The following EEF1AKMT1 variants were observed in gnomAD, a reference collection of about 807,000 sequenced individuals.
The protein encoded by EEF1AKMT1 is N-6 adenine-specific DNA methyltransferase 2 (putative).
A neutral mutation model predicts 21.0 loss-of-function variants in EEF1AKMT1; 18 were observed. The observed-to-expected ratio is 0.86, with a 90% CI of 0.59 to 1.27. The LOEUF (loss-of-function observed/expected upper bound fraction) is 1.27, where lower values mean the gene tolerates loss of function less well. Among genes scored for constraint, EEF1AKMT1 ranks in the 50% most tolerant of loss-of-function variants. The pLI is 0.00. For synonymous variants in EEF1AKMT1, 109 were observed against 94.8 expected (o/e 1.15, Z -0.87); for missense variants, 246 against 258.6 (o/e 0.95, Z 0.33).
chr13:20,773,888 A>C (rs1445060476), intron 1 of EEF1AKMT1, 33 bp downstream of exon 1: 1 of 152,622 alleles, frequency 6.6e-6, no homozygotes, highest in East Asian at 1.9e-4. Context: ...GCGCGCAGCC[A>C]ACCCTACAGC....
At chr13:20,744,713 T>C (rs556491333) in intron 2 of EEF1AKMT1, among the ~76,000 whole-genome samples, 1 of 152,356 alleles carries the variant, frequency 6.6e-6, no homozygotes, top group South Asian at 2.1e-4. Context: ...CAATTTTGGC[T>C]TTTGTTGCCA....
At chr13:20,773,544 G>A (rs552814128) in intron 1 of EEF1AKMT1, among the ~76,000 whole-genome samples, 58 of 152,350 alleles carry the variant, frequency 3.8e-4, no homozygotes, top group African/African-American at 1.4e-3. Flanking sequence ...AGATGAAAAG[G>A]ACAGCAGGCC....
chr13:20,737,318 C>T (rs188074428), intron 3 of EEF1AKMT1, among the ~76,000 whole-genome samples: 10 of 152,126 alleles, frequency 6.6e-5, no homozygotes, highest in African/African-American at 1.9e-4. Context: ...TAGCCAAGAT[C>T]GCACCACTCT....
intron 1 of EEF1AKMT1, among the ~76,000 whole-genome samples, chr13:20,762,182 TTTTTTTTTTTTTTAA>T (rs1306628913): frequency 2.0e-5 from 3 of 151,280 alleles, no homozygotes; most frequent in Admixed American, 2.0e-4. Context: ...AGTCTTTTTT[TTTTTTTTTTTTTTAA>T]TTTGAGGCAG....
intron 2 of EEF1AKMT1, among the ~76,000 whole-genome samples, chr13:20,741,439 T>G (rs192141986): frequency 9.3e-4 from 140 of 150,948 alleles, no homozygotes; most frequent in Non-Finnish European, 1.4e-3. Context: ...GTTTGTTGTT[T>G]TTTAACATTG....
chr13:20,762,862 G>C (rs919556571), intron 1 of EEF1AKMT1, among the ~76,000 whole-genome samples: 12 of 152,084 alleles, frequency 7.9e-5, no homozygotes, highest in African/African-American at 2.9e-4. Context: ...TTAGTAGTTT[G>C]CCAAGTTTCA....
At chr13:20,765,415 T>TTTTG (rs1398143296) in intron 1 of EEF1AKMT1, among the ~76,000 whole-genome samples, 2 of 127,622 alleles carry the variant, frequency 1.6e-5, no homozygotes, top group Admixed American at 1.6e-4. Flanking sequence ...GTTTTTTTTT[T>TTTTG]TTTTTTTTTT....
chr13:20,756,889 T>C (rs2058974652), intron 2 of EEF1AKMT1, among the ~76,000 whole-genome samples: 3 of 152,140 alleles, frequency 2.0e-5, no homozygotes, highest in Admixed American at 1.3e-4. Context: ...TCTGAGTCCA[T>C]AAAGGGCCCC....
At chr13:20,763,867 A>G (rs535959639) in intron 1 of EEF1AKMT1, among the ~76,000 whole-genome samples, 1 of 152,284 alleles carries the variant, frequency 6.6e-6, no homozygotes, top group South Asian at 2.1e-4. Context: ...GTTTCAACGA[A>G]TTGGTCTGCT....
rs1424709804 is a variant in EEF1AKMT1, at chr13:20,737,807, T to G, written c.145-2A>C. On this transcript the variant is annotated splice_acceptor_variant, in intron 2 of 4. Coordinates refer to ENST00000382758, the MANE Select transcript of EEF1AKMT1 (RefSeq NM_001318939.2). LOFTEE classifies it high-confidence loss of function. ...ACTATACCAAAACTGGCTCAGTTGC[T>G]GTAACCGAGAAATAGGTTGATAGCA... 6.2e-7 allele frequency: 1 copy of G among 1,610,140 alleles called. No homozygotes were observed. The highest frequency in any genetic ancestry group is 1.3e-5 in the African/African-American group (1 of 74,960).
At chr13:20,733,277 G>A (rs1017546187) in intron 3 of EEF1AKMT1, among the ~76,000 whole-genome samples, 1 of 152,040 alleles carries the variant, frequency 6.6e-6, no homozygotes, top group African/African-American at 2.4e-5. Context: ...TGTAATTTTA[G>A]CAGAGACGGG....
At chr13:20,753,769 T>C (rs1595024331) in intron 2 of EEF1AKMT1, among the ~76,000 whole-genome samples, 3 of 152,316 alleles carry the variant, frequency 2.0e-5, no homozygotes, top group Admixed American at 2.0e-4. Flanking sequence ...GCATGGAATA[T>C]CTTTTTTTTT....
At position 20,732,015 on chromosome 13, in the gene EEF1AKMT1, CA is replaced by C. The variant is rs2058800174; in HGVS notation, c.333del (p.Tyr111Ter). On this transcript the variant is annotated frameshift_variant, in exon 4 of 5. Coordinates refer to ENST00000382758, the MANE Select transcript of EEF1AKMT1 (RefSeq NM_001318939.2). LOFTEE classifies it high-confidence loss of function. ...IFEYDKRFAM[Y>X]GEEFIFYDYN... is the part of the protein sequence containing the mutation. Reference sequence around the variant, plus strand: ...TAATCATAGAAAATAAACTCCTCTCCATACATGGCAAATCTTTTGTCATATT... The same window carrying C: ...TAATCATAGAAAATAAACTCCTCTCCTACATGGCAAATCTTTTGTCATATT... The C allele has an allele frequency of 1.2e-6, 2 of 1,614,074 alleles. No homozygotes were observed. Among genetic ancestry groups the C allele is most frequent in the African/African-American group, 2.7e-5 (2 of 74,910 alleles).
chr13:20,732,073 C>T lies in EEF1AKMT1; in HGVS notation c.276G>A (p.Leu92=), dbSNP rs369538768. 4 of 1,613,882 alleles carry T rather than the reference C, an allele frequency of 2.5e-6. No individual in the cohort carries two copies. The African/African-American group carries it at 5.3e-5, about 22-fold the overall frequency. ...TGTATATCGAAAAGTTTTCTCTGCA[C>T]AGCTCTCTGAGTTTCTGGTAAACAC... ...APSVYQKLRE[L]CRENFSIYIF... Residue 92 remains leucine (L), a synonymous_variant, in exon 4 of 5, where the codon CTG becomes CTA. Coordinates refer to ENST00000382758, the MANE Select transcript of EEF1AKMT1 (RefSeq NM_001318939.2).
chr13:20,738,539 T>TG (rs1374089287), intron 2 of EEF1AKMT1, among the ~76,000 whole-genome samples: 8 of 152,286 alleles, frequency 5.3e-5, no homozygotes, highest in East Asian at 1.9e-4. Flanking sequence ...GCATGCCAAC[T>TG]GGGGGGTTCT....
chr13:20,764,904 CA>C (rs1408795747), intron 1 of EEF1AKMT1, among the ~76,000 whole-genome samples: 8 of 150,748 alleles, frequency 5.3e-5, no homozygotes, highest in Non-Finnish European at 1.2e-4. Flanking sequence ...CACACACACA[CA>C]CACACACACA....
At chr13:20,760,230 T>C (rs1384556372) in intron 1 of EEF1AKMT1, among the ~76,000 whole-genome samples, 1 of 151,976 alleles carries the variant, frequency 6.6e-6, no homozygotes, top group Non-Finnish European at 1.5e-5. Flanking sequence ...AAAAGACCCC[T>C]GTACTAGGCT....
At chr13:20,737,838 G>A (rs732414) in intron 2 of EEF1AKMT1, 33 bp from the exon 3 acceptor site, 176,077 of 1,492,264 alleles carry the variant, frequency 0.12, 12,272 homozygotes, top group Non-Finnish European at 0.13. Flanking sequence ...TAGCATTTTA[G>A]AACTGGCATA....
chr13:20,743,108 C>T (rs1273796877), intron 2 of EEF1AKMT1, among the ~76,000 whole-genome samples: 2 of 151,820 alleles, frequency 1.3e-5, no homozygotes, highest in East Asian at 3.9e-4. Flanking sequence ...ACTCTGTTGC[C>T]CAGCCTGGAG....
Sources: allele counts gnomAD v4.1 joint callset (sites outside exome capture counted in the v4.1 genomes callset), GRCh38; gene constraint gnomAD v4.1.1; transcripts MANE v1.5; gene names NCBI Gene and HGNC (gene_info 2026-07-23, HGNC 2026-07-21).